The following PDXDC1 variants were observed in gnomAD, a reference collection of about 807,000 sequenced individuals.
The protein encoded by PDXDC1 is pyridoxal dependent decarboxylase domain containing 1.
PDXDC1 carries 42 observed loss-of-function variants against 100.1 expected under a neutral mutation model. The ratio of observed to expected loss-of-function variants is 0.42; its 90% CI spans 0.33 to 0.54. The LOEUF is 0.54. PDXDC1 is among the 20% of genes least tolerant of loss of function. PDXDC1 has a pLI of 0.10. For synonymous variants in PDXDC1, 260 were observed against 371.7 expected (o/e 0.70, Z 3.46); for missense variants, 636 against 979.2 (o/e 0.65, Z 4.68).
At chr16:14,980,489 A>G (rs902196799) in intron 1 of PDXDC1, among the ~76,000 whole-genome samples, 4 of 151,982 alleles carry the variant, frequency 2.6e-5, no homozygotes, top group African/African-American at 9.7e-5. Context: ...TGTTTTTTTT[A>G]TTTTTTATTT....
At chr16:15,095,013 T>C (rs2046302972) in intron 16 of PDXDC1, among the ~76,000 whole-genome samples, 1 of 152,028 alleles carries the variant, frequency 6.6e-6, no homozygotes, top group Non-Finnish European at 1.5e-5. Flanking sequence ...AATTTTCGTA[T>C]TTTTAGTGGA....
chr16:15,066,249 A>G lies in PDXDC1; in HGVS notation c.1399+36193A>G, dbSNP rs2044967147. ...CTATCAGGTAAAGTTGAAGATCTGC[A>G]TCTCCTACAACCCCGCAGCTGACCG... On this transcript the variant is annotated intron_variant, in intron 16 of 16. Transcript: ENST00000535621. 2.0e-5 allele frequency among the ~76,000 whole-genome samples: 3 copies of G among 152,282 alleles called. No individual in the cohort carries two copies. In the South Asian group the frequency reaches 6.2e-4, roughly 32 times the overall value.
intron 16 of PDXDC1, among the ~76,000 whole-genome samples, chr16:15,095,861 G>GGTGTGTGTGT (rs113527217): frequency 2.5e-4 from 34 of 134,400 alleles, no homozygotes; most frequent in Admixed American, 4.6e-4. Context: ...AAAAAAAAAA[G>GGTGTGTGTGT]GTGTGTGTGT....
intron 4 of PDXDC1, among the ~76,000 whole-genome samples, chr16:15,002,388 C>T (rs1973348281): frequency 6.6e-6 from 1 of 152,286 alleles, no homozygotes; most frequent in Admixed American, 6.5e-5. Flanking sequence ...ATGTATTATA[C>T]ACCAGCAAAA....
intron 16 of PDXDC1, among the ~76,000 whole-genome samples, chr16:15,098,732 G>A (rs1202838132): frequency 6.6e-6 from 1 of 152,050 alleles, no homozygotes; most frequent in Non-Finnish European, 1.5e-5. Context: ...TACAAAATTA[G>A]CCTGGCATGG....
intron 4 of PDXDC1, among the ~76,000 whole-genome samples, chr16:15,002,616 C>T (rs568031802): frequency 3.9e-4 from 60 of 152,376 alleles, no homozygotes; most frequent in African/African-American, 1.3e-3. Flanking sequence ...AAACAACTTT[C>T]GACATGTGTC....
At chr16:15,076,116 C>G (rs969026844) in intron 16 of PDXDC1, among the ~76,000 whole-genome samples, 1 of 152,192 alleles carries the variant, frequency 6.6e-6, no homozygotes, top group African/African-American at 2.4e-5. Flanking sequence ...CTGCCCTCTT[C>G]TGCTCCCTGA....
At chr16:15,074,815 C>T (rs1366981961) in intron 16 of PDXDC1, 13 of 1,613,748 alleles carry the variant, frequency 8.1e-6, no homozygotes, top group Middle Eastern at 1.7e-4. Context: ...CTGGTCGAGC[C>T]GTTCAGGACC....
intron 18 of PDXDC1, 56 bp downstream of exon 18, chr16:15,033,035 G>A: frequency 8.7e-7 from 1 of 1,151,330 alleles, no homozygotes; most frequent in Non-Finnish European, 1.3e-6. Flanking sequence ...TTGGTAACCG[G>A]CTTTGAAGAC....
intron 16 of PDXDC1, among the ~76,000 whole-genome samples, chr16:15,100,789 C>G (rs2046516431): frequency 6.6e-6 from 1 of 152,054 alleles, no homozygotes; most frequent in Non-Finnish European, 1.5e-5. Flanking sequence ...ACCAGCCTAG[C>G]CAGAATCTCT....
chr16:15,136,277 C>A, intron 16 of PDXDC1: 6 of 612,418 alleles, frequency 9.8e-6, no homozygotes, highest in Non-Finnish European at 1.7e-5. Context: ...GCCCACCACC[C>A]CAGGCTCACA....
At chr16:15,082,229 C>T (rs1196918772) in intron 16 of PDXDC1, among the ~76,000 whole-genome samples, 1 of 152,024 alleles carries the variant, frequency 6.6e-6, no homozygotes, top group Non-Finnish European at 1.5e-5. Context: ...TTTCAGATGC[C>T]CTTTATCAGG....
At chr16:15,085,903 A>G (rs2045899687) in intron 16 of PDXDC1, among the ~76,000 whole-genome samples, 1 of 152,184 alleles carries the variant, frequency 6.6e-6, no homozygotes, top group African/African-American at 2.4e-5. Context: ...AAAAATTCCT[A>G]GATTTCACCA....
At chr16:15,064,156 A>G (rs558444156) in intron 16 of PDXDC1, among the ~76,000 whole-genome samples, 1 of 152,090 alleles carries the variant, frequency 6.6e-6, no homozygotes, top group African/African-American at 2.4e-5. Context: ...ACTCATCTAG[A>G]TAAATCGCTT....
intron 1 of PDXDC1, among the ~76,000 whole-genome samples, chr16:14,984,228 TC>T (rs1413533961): frequency 8.9e-5 from 13 of 145,638 alleles, no homozygotes; most frequent in African/African-American, 3.3e-4. Flanking sequence ...CCTGAAAATG[TC>T]CCTATGTCCC....
intron 16 of PDXDC1, chr16:15,092,662 A>G (rs2046183617): frequency 1.7e-6 from 2 of 1,186,912 alleles, no homozygotes; most frequent in Non-Finnish European, 2.5e-6. Context: ...AAATAATAAA[A>G]ATTATAATAG....
intron 16 of PDXDC1, among the ~76,000 whole-genome samples, chr16:15,100,524 G>A (rs552740879): frequency 6.6e-6 from 1 of 152,162 alleles, no homozygotes; most frequent in Non-Finnish European, 1.5e-5. Flanking sequence ...GGGTGGGGAG[G>A]AGGCTGTTCT....
intron 3 of PDXDC1, among the ~76,000 whole-genome samples, chr16:14,999,935 AT>A (rs1367211443): frequency 6.6e-6 from 1 of 152,288 alleles, no homozygotes; most frequent in East Asian, 1.9e-4. Flanking sequence ...TGACTTGAAT[AT>A]AAATTGAACC....
intron 16 of PDXDC1, chr16:15,047,213 AGCCTTCCATC>A: frequency 1.9e-6 from 1 of 531,632 alleles, no homozygotes; most frequent in Non-Finnish European, 3.3e-6. Context: ...TTCAAAGTCA[AGCCTTCCATC>A]TCAAATCCAG....
Sources: gnomAD v4.1 joint callset for allele counts (sites outside exome capture counted in the v4.1 genomes callset) on GRCh38, gnomAD v4.1.1 for gene constraint, MANE v1.5 for transcripts, NCBI Gene and HGNC (gene_info 2026-07-23, HGNC 2026-07-21) for gene names.